The following ANK2 variants were observed in gnomAD, a reference collection of about 807,000 sequenced individuals.
The protein encoded by ANK2 is ankyrin 2.
ANK2 carries 83 observed loss-of-function variants against 360.5 expected under a neutral mutation model. The observed-to-expected ratio is 0.23, with a 90% CI of 0.19 to 0.28. The LOEUF is 0.28. Among genes scored for constraint, ANK2 ranks in the 10% least tolerant of loss-of-function variants. ANK2 has a pLI of 1.00. For missense variants in ANK2, 4,201 were observed against 4,795.7 expected, an observed-to-expected ratio of 0.88 and a Z score of 3.66; for synonymous variants, 1,740 against 1,759.5, an observed-to-expected ratio of 0.99 and a Z score of 0.28.
At chr4:112,866,958 T>G (rs1378351766) in intron 1 of ANK2, among the ~76,000 whole-genome samples, 1 of 152,144 alleles carries the variant, frequency 6.6e-6, no homozygotes, top group Non-Finnish European at 1.5e-5. Flanking sequence ...TCACATTTAC[T>G]TTTCATGTAA....
the ANK2 span, among the ~76,000 whole-genome samples, chr4:112,725,295 A>AC: frequency 2.0e-5 from 3 of 150,168 alleles, no homozygotes; most frequent in African/African-American, 7.3e-5. Flanking sequence ...ACAAAAAAAA[A>AC]AAAAAAACAG....
chr4:113,332,542 C>G (rs1364780292), intron 28 of ANK2, among the ~76,000 whole-genome samples: 1 of 152,222 alleles, frequency 6.6e-6, no homozygotes, highest in Non-Finnish European at 1.5e-5. Context: ...GTACACATGC[C>G]TATTGTTTCC....
intron 1 of ANK2, among the ~76,000 whole-genome samples, chr4:113,169,569 G>T (rs948766502): frequency 1.3e-5 from 2 of 152,310 alleles, no homozygotes; most frequent in African/African-American, 2.4e-5. Flanking sequence ...AAATATGTGT[G>T]TAGGGCGCAC....
intron 2 of ANK2, among the ~76,000 whole-genome samples, chr4:113,181,760 T>G (rs1221998779): frequency 6.6e-6 from 1 of 152,042 alleles, no homozygotes; most frequent in Non-Finnish European, 1.5e-5. Flanking sequence ...AGAAGGAGCA[T>G]GCTGGCATGT....
chr4:112,851,621 T>C (rs2065013628), intron 1 of ANK2, among the ~76,000 whole-genome samples: 1 of 152,080 alleles, frequency 6.6e-6, no homozygotes, highest in African/African-American at 2.4e-5. Context: ...ACAATTACTT[T>C]TCTTTTTCTT....
intron 29 of ANK2, among the ~76,000 whole-genome samples, chr4:113,334,553 A>G (rs912211567): frequency 2.0e-5 from 3 of 150,242 alleles, no homozygotes; most frequent in Admixed American, 6.6e-5. Context: ...ATTACTAGAA[A>G]GTTAATAGAT....
chr4:112,902,593 A>T lies in ANK2; in HGVS notation c.-39-1862A>T, dbSNP rs184761349. Among the ~76,000 whole-genome samples the T allele has an allele frequency of 1.5e-3, 228 of 152,292 alleles. 1 individual carries two copies. The highest frequency in any genetic ancestry group is 5.3e-3 in the African/African-American group (220 of 41,558). ...TTAGTCTTTTTCGTAGAAAGTTCTT[A>T]TGAATGCTTAAATGTTGTCCTTTCT... is the stretch of plus-strand genomic sequence containing the variant. On this transcript the variant is annotated intron_variant, in intron 1 of 30. Transcript: ENST00000503271.
chr4:112,948,544 A>AT (rs1366137017), intron 2 of ANK2, among the ~76,000 whole-genome samples: 1 of 152,186 alleles, frequency 6.6e-6, no homozygotes, highest in Non-Finnish European at 1.5e-5. Flanking sequence ...AACTGCCCTG[A>AT]TTCAATGAAG....
chr4:113,194,576 T>C (rs1235414695), intron 2 of ANK2, among the ~76,000 whole-genome samples: 1 of 152,160 alleles, frequency 6.6e-6, no homozygotes, highest in Non-Finnish European at 1.5e-5. Flanking sequence ...TAGGATTGAT[T>C]AATGTGCACA....
At chr4:113,344,208 A>G (rs115699339) in intron 34 of ANK2, among the ~76,000 whole-genome samples, 266 of 152,288 alleles carry the variant, frequency 1.7e-3, no homozygotes, top group African/African-American at 6.2e-3. Context: ...ATCATTCTAC[A>G]AACAACCCAA....
chr4:112,857,768 A>G (rs928492421), intron 1 of ANK2, among the ~76,000 whole-genome samples: 7 of 152,262 alleles, frequency 4.6e-5, no homozygotes, highest in South Asian at 4.1e-4. Flanking sequence ...TCTGGATACT[A>G]AGGGATCCAG....
chr4:113,271,302 TAAG>T (rs1334706646), intron 14 of ANK2, among the ~76,000 whole-genome samples: 3 of 152,166 alleles, frequency 2.0e-5, no homozygotes, highest in Non-Finnish European at 2.9e-5. Flanking sequence ...TGAGGTGGGA[TAAG>T]AAGACCAGCA....
intron 1 of ANK2, among the ~76,000 whole-genome samples, chr4:113,118,269 A>T (rs1470607156): frequency 2.6e-5 from 4 of 152,236 alleles, no homozygotes; most frequent in African/African-American, 9.6e-5. Flanking sequence ...ATAATTTCAG[A>T]AGATGATAAA....
At chr4:113,194,544 C>T (rs898528718) in intron 2 of ANK2, among the ~76,000 whole-genome samples, 3 of 152,030 alleles carry the variant, frequency 2.0e-5, no homozygotes, top group East Asian at 1.9e-4. Context: ...AAGTGCTGAA[C>T]AAAAAAGATA....
intron 1 of ANK2, among the ~76,000 whole-genome samples, chr4:113,074,136 G>A (rs2078934465): frequency 1.3e-5 from 2 of 152,296 alleles, no homozygotes; most frequent in East Asian, 1.9e-4. Context: ...AGAATGTGTT[G>A]TGAATAATAA....
At chr4:113,255,293 A>G (rs1240880842) in intron 10 of ANK2, among the ~76,000 whole-genome samples, 2 of 152,172 alleles carry the variant, frequency 1.3e-5, no homozygotes, top group Non-Finnish European at 2.9e-5. Context: ...AAGTTTCCAT[A>G]CCTCCCTGAC....
At chr4:112,951,824 T>C (rs896354567) in intron 2 of ANK2, among the ~76,000 whole-genome samples, 2 of 152,262 alleles carry the variant, frequency 1.3e-5, no homozygotes, top group Admixed American at 6.5e-5. Context: ...ATACTCTTTA[T>C]TTAAATTATA....
intron 2 of ANK2, among the ~76,000 whole-genome samples, chr4:112,939,654 A>T: frequency 6.6e-6 from 1 of 152,160 alleles, no homozygotes; most frequent in East Asian, 1.9e-4. Context: ...TTAAAGTTGG[A>T]CATTCATTAA....
chr4:113,061,894 T>C (rs990524196), intron 1 of ANK2, among the ~76,000 whole-genome samples: 4 of 152,102 alleles, frequency 2.6e-5, no homozygotes, highest in Admixed American at 2.0e-4. Flanking sequence ...ATGCTTGAAG[T>C]GATAGATACC....
Sources: gnomAD v4.1 joint callset for allele counts (sites outside exome capture counted in the v4.1 genomes callset) on GRCh38, gnomAD v4.1.1 for gene constraint, MANE v1.5 for transcripts, NCBI Gene and HGNC (gene_info 2026-07-23, HGNC 2026-07-21) for gene names.